The following ERI2 variants were observed in gnomAD, a reference collection of about 807,000 sequenced individuals.
ERI2 encodes ERI1 exoribonuclease family member 2.
ERI2 carries 35 observed loss-of-function variants against 46.8 expected under a neutral mutation model. That is an observed-to-expected ratio of 0.75 (90% CI 0.57 to 0.99). The LOEUF is 0.99. ERI2 is among the 50% of genes least tolerant of loss of function. The pLI is 0.00. For missense variants in ERI2, 695 were observed against 796.2 expected, an observed-to-expected ratio of 0.87 and a Z score of 1.53; for synonymous variants, 224 against 271.0, an observed-to-expected ratio of 0.83 and a Z score of 1.70.
In ERI2 at chr16:20,806,172, C is replaced by T. The variant is rs551890334; in HGVS notation, c.23+236G>A. The T allele has an allele frequency of 2.1e-6, 3 of 1,398,086 alleles. No homozygotes were observed. The African/African-American group carries it at 4.5e-5, about 21-fold the overall frequency. 86.6% of individuals were successfully genotyped at this position (1,398,086 alleles called of 1,614,324 possible). On this transcript the variant is annotated intron_variant, in intron 1 of 8. Transcript: ENST00000357967. Reference sequence around the variant, plus strand: ...GCTCAAGGCCACACAGTCAAGGCCCCAGGGTTCGTCCGCCTCGGGCTCCTG... The same window carrying T: ...GCTCAAGGCCACACAGTCAAGGCCCTAGGGTTCGTCCGCCTCGGGCTCCTG...
Position 20,803,519 on chromosome 16 carries a change from G to A in ERI2, c.92-3C>T, listed in dbSNP as rs1357781879. The A allele has an allele frequency of 3.7e-6, 6 of 1,613,660 alleles. No homozygotes were observed. The highest frequency in any genetic ancestry group is 4.2e-6 in the Non-Finnish European group (5 of 1,179,746). ...AATTAAGTAGTCAAACAACTGCTCT[G>A]CAAAAGATCAAGTTGTTCTTATGCT... On this transcript the variant is annotated splice_region_variant and splice_polypyrimidine_tract_variant and intron_variant, in intron 2 of 8. Coordinates refer to ENST00000357967, the MANE Select transcript of ERI2 (RefSeq NM_001142725.2).
chr16:20,803,341 C>T, intron 3 of ERI2, 92 bp downstream of exon 3: 2 of 1,414,816 alleles, frequency 1.4e-6, no homozygotes, highest in Non-Finnish European at 1.9e-6. Flanking sequence ...CATAGACCAT[C>T]CTGTTTTCTT....
Position 20,790,533 on chromosome 16 carries a change from A to G in ERI2, c.815+317T>C, listed in dbSNP as rs1276460537. The G allele has an allele frequency of 6.7e-7, 1 of 1,502,766 alleles. No homozygotes were observed. Among genetic ancestry groups the G allele is most frequent in the African/African-American group, 1.4e-5 (1 of 71,824 alleles). 93.1% of individuals were successfully genotyped at this position (1,502,766 alleles called of 1,614,324 possible). ...ATAAAACTTGCAAAGTTAATATTTA[A>G]GCTGCGACATTAAACAAAAATTTCC... On this transcript the variant is annotated intron_variant, in intron 9 of 10. Transcript: ENST00000300005. This position sits in a 1 kb window ranked among gnomAD's most constrained non-coding sequence, Gnocchi z 4.0.
chr16:20,797,312 A>G lies in ERI2; in HGVS notation c.*412T>C. ...GTTGACTAATTCTTCTGATATGTTG[A>G]TATACAAATCAGAACCAATGTTCAA... On this transcript the variant is annotated 3_prime_UTR_variant, in exon 9 of 9. Coordinates refer to ENST00000357967, the MANE Select transcript of ERI2 (RefSeq NM_001142725.2). The G allele has an allele frequency of 9.7e-7, 1 of 1,025,982 alleles. No individual in the cohort carries two copies. The highest frequency in any genetic ancestry group is 4.3e-5 in the South Asian group (1 of 23,088). 63.6% of individuals were successfully genotyped at this position (1,025,982 alleles called of 1,614,324 possible). A position where few individuals can be genotyped will look rare whatever the true frequency, so the allele number is the denominator to read the frequency against.
rs1478737923 is a variant in ERI2, at chr16:20,790,469, T to A, written c.815+381A>T. On this transcript the variant is annotated intron_variant, in intron 9 of 10. Transcript: ENST00000300005. This position sits in a 1 kb window ranked among gnomAD's most constrained non-coding sequence, Gnocchi z 4.0. ...GAGACCTTGTCTCACACACACAAAA[T>A]TTTTTTTAAGTCTTCATTTTTAAAT... 7.3e-6 allele frequency: 7 copies of A among 962,494 alleles called. No individual in the cohort carries two copies. The highest frequency in any genetic ancestry group is 9.3e-6 in the Non-Finnish European group (6 of 641,980). The allele number at this position is 962,494 out of a possible 1,614,324, so 59.6% of individuals were successfully genotyped here. A position where few individuals can be genotyped will look rare whatever the true frequency, so the allele number is the denominator to read the frequency against.
At chr16:20,792,366 A>AT (rs1304840374), downstream of ERI2, 1 of 1,610,906 alleles carries the variant, frequency 6.2e-7, no homozygotes, top group South Asian at 1.1e-5. Context: ...CAACTTTATA[A>AT]TTTGTTGGCA....
exon 11 of ERI2, chr16:20,780,647 A>C (rs1281302545): frequency 1.2e-6 from 2 of 1,613,522 alleles, no homozygotes; most frequent in African/African-American, 2.7e-5. Flanking sequence ...GCTTCTCAAA[A>C]TTTTTCAGTG....
At chr16:20,780,853 G>A (rs1229999341) in intron 10 of ERI2, 2 of 1,614,212 alleles carry the variant, frequency 1.2e-6, no homozygotes, top group South Asian at 1.1e-5. Context: ...ATCTGTAAAT[G>A]GAAGGTATAC....
intron 10 of ERI2, chr16:20,780,874 G>A (rs1314574538): frequency 6.2e-7 from 1 of 1,613,926 alleles, no homozygotes; most frequent in Non-Finnish European, 8.5e-7. Flanking sequence ...TTTCACAAAA[G>A]TGCAGCTTGA....
chr16:20,798,314 T>C lies in ERI2; in HGVS notation c.1486A>G (p.Ile496Val). 6.4e-7 allele frequency: 1 copy of C among 1,551,542 alleles called. No individual in the cohort carries two copies. The highest frequency in any genetic ancestry group is 8.7e-7 in the Non-Finnish European group (1 of 1,146,884). Reference protein sequence around the residue: ...VKEAKDPGSDISAFKLPEHKS... With the variant: ...VKEAKDPGSDVSAFKLPEHKS... ...TGTTCAGGTAACTTAAAGGCAGAAA[T>C]ATCTGAACCTGGATCTTTGGCTTCT... The change falls in exon 9 of 9, where the codon ATT becomes GTT. Residue 496 changes from isoleucine to valine, a missense_variant. By Grantham distance (29) the Ile-to-Val change is conservative (BLOSUM62 3). Coordinates refer to ENST00000357967, the MANE Select transcript of ERI2 (RefSeq NM_001142725.2).
downstream of ERI2, chr16:20,792,143 C>T: frequency 3.7e-6 from 6 of 1,614,048 alleles, no homozygotes; most frequent in Non-Finnish European, 4.2e-6. Flanking sequence ...ACTTTCTTTT[C>T]CATATGTGCA....
In ERI2 at chr16:20,790,230, T is replaced by A. The variant is rs1310280617; in HGVS notation, c.815+620A>T. 2.0e-5 allele frequency among the ~76,000 whole-genome samples: 3 copies of A among 152,116 alleles called. No homozygotes were observed. The highest frequency in any genetic ancestry group is 7.2e-5 in the African/African-American group (3 of 41,412). On this transcript the variant is annotated intron_variant, in intron 9 of 10. Transcript: ENST00000300005. This position sits in a 1 kb window ranked among gnomAD's most constrained non-coding sequence, Gnocchi z 4.0. ...ACTTTGGGAGGCCAAGGCTGGAATA[T>A]CACTGGAAGCCAGGAACCAGCCTGG...
intron 10 of ERI2, chr16:20,783,241 C>T (rs984006736): frequency 6.6e-6 from 1 of 152,122 alleles, no homozygotes; most frequent in Non-Finnish European, 1.5e-5. Flanking sequence ...AATATTAGAA[C>T]AAAAGATACT....
At chr16:20,787,052 A>G (rs1161221503) in intron 10 of ERI2, among the ~76,000 whole-genome samples, 3 of 152,202 alleles carry the variant, frequency 2.0e-5, no homozygotes, top group African/African-American at 7.2e-5. Context: ...CCTAGGGGGA[A>G]TTCCAGTTCC....
intron 1 of ERI2, among the ~76,000 whole-genome samples, chr16:20,805,464 A>T (rs1257540513): frequency 6.6e-6 from 1 of 152,176 alleles, no homozygotes; most frequent in Admixed American, 6.5e-5. Context: ...TGTAAAAAGT[A>T]GAGGTTCCTC....
Position 20,799,248 on chromosome 16 carries a change from C to G in ERI2, c.732+15G>C. 6.2e-7 allele frequency: 1 copy of G among 1,611,272 alleles called. No homozygotes were observed. Among genetic ancestry groups the G allele is most frequent in the South Asian group, 1.1e-5 (1 of 90,558 alleles). Reference sequence around the variant, plus strand: ...AGTTTGAGATGACAGAATAAAAAGGCAAGACACTACTAACCTTGTTCAACG... The same window carrying G: ...AGTTTGAGATGACAGAATAAAAAGGGAAGACACTACTAACCTTGTTCAACG... On this transcript the variant is annotated intron_variant, in intron 8 of 8. Transcript: ENST00000357967.
intron 1 of ERI2, among the ~76,000 whole-genome samples, chr16:20,804,494 G>A (rs1022925628): frequency 1.3e-5 from 2 of 151,752 alleles, no homozygotes; most frequent in South Asian, 2.1e-4. Context: ...GTGAAACCCC[G>A]TCTCTACAAA....
At chr16:20,805,830 G>T (rs946519673) in intron 1 of ERI2, 2 of 404,702 alleles carry the variant, frequency 4.9e-6, no homozygotes, top group Non-Finnish European at 3.4e-6. Context: ...GTGAGGTCCC[G>T]TTCCAGCCAA....
intron 10 of ERI2, among the ~76,000 whole-genome samples, chr16:20,785,458 T>G (rs1207467441): frequency 6.6e-6 from 1 of 152,206 alleles, no homozygotes; most frequent in Non-Finnish European, 1.5e-5. Context: ...CTGAGATCCT[T>G]GCTGCCTGAA....
Sources: gnomAD v4.1 joint callset for allele counts (sites outside exome capture counted in the v4.1 genomes callset) on GRCh38, gnomAD v4.1.1 for gene constraint, Gnocchi (gnomAD v3.1) non-coding constraint, MANE v1.5 for transcripts, NCBI Gene and HGNC (gene_info 2026-07-23, HGNC 2026-07-21) for gene names.